The following PRKD1 variants were observed in gnomAD, a reference collection of about 807,000 sequenced individuals.
PRKD1 encodes the protein protein kinase D1.
In PRKD1, 63 loss-of-function variants were observed where a neutral mutation model predicts 95.9. The observed-to-expected ratio is 0.66, with a 90% CI of 0.54 to 0.81. The LOEUF (loss-of-function observed/expected upper bound fraction) is 0.81. PRKD1 is among the 30% of genes least tolerant of loss of function. PRKD1 has a pLI of 0.00. For synonymous variants in PRKD1, 425 were observed against 423.1 expected (o/e 1.00, Z -0.05); for missense variants, 1,048 against 1,165.3 (o/e 0.90, Z 1.47).
At chr14:29,675,651 A>G (rs1883117729) in intron 2 of PRKD1, among the ~76,000 whole-genome samples, 1 of 152,180 alleles carries the variant, frequency 6.6e-6, no homozygotes, top group Non-Finnish European at 1.5e-5. Flanking sequence ...AGGATTATAA[A>G]TCATGCTGCT....
intron 2 of PRKD1, among the ~76,000 whole-genome samples, chr14:29,692,902 C>T (rs1408738994): frequency 1.3e-5 from 2 of 152,092 alleles, no homozygotes; most frequent in African/African-American, 4.8e-5. Context: ...TTCATTTCAT[C>T]GTAACTAAAC....
intron 1 of PRKD1, among the ~76,000 whole-genome samples, chr14:29,832,505 A>G (rs1376365923): frequency 6.6e-6 from 1 of 152,040 alleles, no homozygotes; most frequent in Non-Finnish European, 1.5e-5. Flanking sequence ...ATCCTTTATT[A>G]TACAGAGACT....
At chr14:29,722,227 C>G (rs1231604286) in intron 2 of PRKD1, among the ~76,000 whole-genome samples, 10 of 152,090 alleles carry the variant, frequency 6.6e-5, no homozygotes, top group Non-Finnish European at 1.5e-5. Context: ...AAAGAAAGTT[C>G]AGATAAATAA....
intron 13 of PRKD1, among the ~76,000 whole-genome samples, chr14:29,600,841 G>A (rs551768696): frequency 4.8e-5 from 7 of 144,486 alleles, no homozygotes; most frequent in Non-Finnish European, 9.1e-5. Flanking sequence ...AAATCTGAAC[G>A]TTCTTCTGGG....
At chr14:29,834,225 G>A (rs1891524904) in intron 1 of PRKD1, among the ~76,000 whole-genome samples, 1 of 152,074 alleles carries the variant, frequency 6.6e-6, no homozygotes, top group African/African-American at 2.4e-5. Context: ...GCCATTCATT[G>A]TTTTAGTAGA....
chr14:29,783,902 A>G (rs1390493039), intron 1 of PRKD1, among the ~76,000 whole-genome samples: 2 of 152,186 alleles, frequency 1.3e-5, no homozygotes, highest in African/African-American at 4.8e-5. Flanking sequence ...TTAGATGAAT[A>G]GTTAGTGAAT....
At chr14:29,881,813 C>T (rs1330512095) in intron 1 of PRKD1, among the ~76,000 whole-genome samples, 1 of 152,026 alleles carries the variant, frequency 6.6e-6, no homozygotes, top group African/African-American at 2.4e-5. Flanking sequence ...AATTACTCAC[C>T]CAAGTCATAA....
intron 16 of PRKD1, chr14:29,594,228 T>C (rs1358436965): frequency 4.8e-6 from 2 of 413,256 alleles, no homozygotes; most frequent in South Asian, 1.8e-5. Context: ...CATCTATGCA[T>C]GTTATTAAGA....
At chr14:29,683,169 G>T (rs890605183) in intron 2 of PRKD1, among the ~76,000 whole-genome samples, 6 of 152,132 alleles carry the variant, frequency 3.9e-5, no homozygotes, top group Admixed American at 1.3e-4. Flanking sequence ...TGAGGACACT[G>T]GTCAGAAAGA....
At chr14:29,648,272 T>C (rs562353319) in intron 4 of PRKD1, among the ~76,000 whole-genome samples, 4 of 151,560 alleles carry the variant, frequency 2.6e-5, no homozygotes, top group African/African-American at 9.7e-5. Flanking sequence ...TCTGTATAAA[T>C]GATGTTTAAT....
At chr14:29,841,065 C>A (rs1018110117) in intron 1 of PRKD1, among the ~76,000 whole-genome samples, 5 of 152,206 alleles carry the variant, frequency 3.3e-5, no homozygotes, top group East Asian at 1.9e-4. Flanking sequence ...TTGCATGGGG[C>A]CTGTGGCCCC....
intron 13 of PRKD1, among the ~76,000 whole-genome samples, chr14:29,617,946 C>T (rs1878979585): frequency 1.3e-5 from 2 of 152,004 alleles, no homozygotes; most frequent in South Asian, 2.1e-4. Flanking sequence ...TGGGGCATGC[C>T]TGTAGTTCCA....
At chr14:29,722,831 A>G (rs190207885) in intron 2 of PRKD1, among the ~76,000 whole-genome samples, 31 of 152,326 alleles carry the variant, frequency 2.0e-4, no homozygotes, top group African/African-American at 7.2e-4. Context: ...AAACTCCATC[A>G]AAGTGTGGTG....
intron 4 of PRKD1, among the ~76,000 whole-genome samples, chr14:29,640,936 A>G (rs956710628): frequency 1.3e-5 from 2 of 152,204 alleles, no homozygotes; most frequent in African/African-American, 4.8e-5. Flanking sequence ...GTGCAAATTC[A>G]TTAGAAAAGC....
intron 1 of PRKD1, among the ~76,000 whole-genome samples, chr14:29,758,160 G>A (rs565737490): frequency 1.5e-4 from 23 of 150,352 alleles, no homozygotes; most frequent in African/African-American, 5.6e-4. Flanking sequence ...TCCCTACCAA[G>A]AGAGGGAGAT....
intron 1 of PRKD1, among the ~76,000 whole-genome samples, chr14:29,740,614 C>T (rs961661821): frequency 6.6e-6 from 1 of 152,160 alleles, no homozygotes; most frequent in African/African-American, 2.4e-5. Context: ...TCCCTGAGCA[C>T]TTTTCTTTAC....
intron 4 of PRKD1, among the ~76,000 whole-genome samples, chr14:29,652,015 G>A (rs2139179189): frequency 6.6e-6 from 1 of 152,306 alleles, no homozygotes; most frequent in South Asian, 2.1e-4. Context: ...CAAAGTGTTG[G>A]GATTATAGGC....
intron 1 of PRKD1, among the ~76,000 whole-genome samples, chr14:29,878,072 C>T (rs1893365996): frequency 6.6e-6 from 1 of 152,152 alleles, no homozygotes; most frequent in Admixed American, 6.5e-5. Context: ...ACTTCATGTT[C>T]TCACTTATAA....
chr14:29,586,840 G>T (rs1290390406), intron 16 of PRKD1, among the ~76,000 whole-genome samples: 2 of 152,020 alleles, frequency 1.3e-5, no homozygotes, highest in Non-Finnish European at 2.9e-5. Flanking sequence ...GGTCAGGCTG[G>T]TCTCAAACTC....
Sources: allele counts gnomAD v4.1 joint callset (sites outside exome capture counted in the v4.1 genomes callset), GRCh38; gene constraint gnomAD v4.1.1; transcripts MANE v1.5; gene names NCBI Gene and HGNC (gene_info 2026-07-23, HGNC 2026-07-21).